Variants in KIN observed in about 807,000 individuals in gnomAD.
KIN encodes the protein DNA/RNA-binding protein KIN17.
Under a neutral mutation model 63.0 loss-of-function variants are expected in KIN, and 47 were observed. The observed-to-expected ratio is 0.75, with a 90% confidence interval of 0.59 to 0.95. The LOEUF is 0.95. Among genes scored for constraint, KIN ranks in the 40% least tolerant of loss-of-function variants. The probability of loss-of-function intolerance (pLI) is 0.00; values close to 1 mark genes in which losing one functional copy is unlikely to be tolerated. For missense variants in KIN, 408 were observed against 460.9 expected (o/e 0.89, Z 1.05); for synonymous variants, 160 against 157.7 (o/e 1.01, Z -0.11).
At chr10:7,762,436 A>G in intron 11 of KIN, 21 bp downstream of exon 11, 2 of 1,407,230 alleles carry the variant, frequency 1.4e-6, no homozygotes, top group Non-Finnish European at 2.0e-6. Flanking sequence ...TATGTATTAA[A>G]TGGTCTGCAA....
intron 5 of KIN, among the ~76,000 whole-genome samples, chr10:7,777,895 TC>T (rs59237901): frequency 0.2 from 17,913 of 90,214 alleles, 2,175 homozygotes; most frequent in African/African-American, 0.38. Flanking sequence ...TGAGACTCCG[TC>T]CCCCCCCCAA....
At chr10:7,763,117 G>C (rs956638686) in intron 10 of KIN, among the ~76,000 whole-genome samples, 1 of 152,070 alleles carries the variant, frequency 6.6e-6, no homozygotes, top group Non-Finnish European at 1.5e-5. Context: ...TTAGCCAGGT[G>C]CGGTGGTGGC....
intron 11 of KIN, 132 bp downstream of exon 11, chr10:7,762,325 A>T: frequency 2.0e-6 from 1 of 510,136 alleles, no homozygotes; most frequent in Non-Finnish European, 3.5e-6. Flanking sequence ...AACAGAGATG[A>T]GTTACGCTGG....
intron 7 of KIN, among the ~76,000 whole-genome samples, chr10:7,773,167 C>A (rs1000354617): frequency 6.6e-6 from 1 of 152,176 alleles, no homozygotes; most frequent in Non-Finnish European, 1.5e-5. Context: ...GATTCTTCCC[C>A]GGAGCTCAGA....
chr10:7,759,462 G>C (rs191695357), intron 12 of KIN, among the ~76,000 whole-genome samples: 1 of 152,082 alleles, frequency 6.6e-6, no homozygotes, highest in Non-Finnish European at 1.5e-5. Flanking sequence ...TCTTGACAAT[G>C]ACTTTACTTC....
chr10:7,787,964 C>T lies in KIN; in HGVS notation c.-31G>A. ...CCACGGCAGCGATCACTTTCTGGAC[C>T]CCAGTACTCAGCCAGCCGGAAACGG... On this transcript the variant is annotated 5_prime_UTR_variant, in exon 1 of 13. Coordinates refer to ENST00000379562, the MANE Select transcript of KIN (RefSeq NM_012311.4). 2 of 1,534,428 alleles carry T rather than the reference C, an allele frequency of 1.3e-6. No homozygotes were observed. The highest frequency in any genetic ancestry group is 1.8e-6 in the Non-Finnish European group (2 of 1,107,452).
intron 8 of KIN, among the ~76,000 whole-genome samples, chr10:7,768,199 A>G (rs1171821435): frequency 2.0e-5 from 3 of 152,162 alleles, no homozygotes; most frequent in Non-Finnish European, 4.4e-5. Context: ...ACATAGACTT[A>G]GCCATCAGGC....
At chr10:7,770,355 A>C (rs1835642942) in intron 7 of KIN, among the ~76,000 whole-genome samples, 1 of 152,240 alleles carries the variant, frequency 6.6e-6, no homozygotes, top group African/African-American at 2.4e-5. Flanking sequence ...TTTGCTATTG[A>C]CTGAGCCATG....
intron 9 of KIN, among the ~76,000 whole-genome samples, chr10:7,765,323 A>G (rs1588474017): frequency 6.6e-6 from 1 of 152,132 alleles, no homozygotes; most frequent in East Asian, 1.9e-4. Context: ...GCAGGGCATT[A>G]GTGGTGCATG....
intron 2 of KIN, among the ~76,000 whole-genome samples, chr10:7,780,543 C>T (rs930787575): frequency 6.6e-6 from 1 of 151,922 alleles, no homozygotes; most frequent in Non-Finnish European, 1.5e-5. Context: ...TACAGGGGTC[C>T]ACCACCACGC....
intron 7 of KIN, among the ~76,000 whole-genome samples, chr10:7,769,572 T>C (rs1835625511): frequency 1.3e-5 from 2 of 152,160 alleles, no homozygotes; most frequent in Non-Finnish European, 2.9e-5. Context: ...TGTGTGAGCA[T>C]TTAACCCATG....
In KIN at chr10:7,769,303, T is replaced by G. The variant is rs749181607; in HGVS notation, c.711A>C (p.Ala237=). ...GGGAAGATTCTTTTCGTTTCACTGA[T>G]GCTGAACTTCCTATCGTCTTCAGTG... ...PSALKTIGSS[A]SVKRKESSQS... is the part of the protein sequence containing the mutation. The change falls in exon 8 of 13, where the codon GCA becomes GCC. Residue 237 remains alanine (A), a synonymous_variant. Coordinates refer to ENST00000379562, the MANE Select transcript of KIN (RefSeq NM_012311.4). 1.2e-6 allele frequency: 2 copies of G among 1,613,922 alleles called. No individual in the cohort carries two copies. The highest frequency in any genetic ancestry group is 4.5e-5 in the East Asian group (2 of 44,882).
At chr10:7,769,180 G>T in intron 8 of KIN, 36 bp downstream of exon 8, 2 of 1,569,068 alleles carry the variant, frequency 1.3e-6, no homozygotes, top group Non-Finnish European at 1.7e-6. Flanking sequence ...TTTTCCTTGG[G>T]TTCTAAGGTG....
At chr10:7,766,193 A>C (rs913620484) in intron 8 of KIN, 90 bp from the exon 9 acceptor site, 10 of 808,166 alleles carry the variant, frequency 1.2e-5, no homozygotes, top group Non-Finnish European at 2.0e-5. Context: ...ACACCATAAA[A>C]CTGTGAAGTC....
chr10:7,776,499 G>A (rs896068976), intron 5 of KIN, among the ~76,000 whole-genome samples: 1 of 151,552 alleles, frequency 6.6e-6, no homozygotes, highest in African/African-American at 2.4e-5. Context: ...CGGAGATCGT[G>A]CCACTTCACT....
rs1434620378 is a variant in KIN at position 7,780,127 on chromosome 10, C to T, written c.305G>A (p.Arg102Gln). 6.8e-6 allele frequency: 11 copies of T among 1,613,756 alleles called. No individual in the cohort carries two copies. Among genetic ancestry groups the T allele is most frequent in the African/African-American group, 1.3e-5 (1 of 74,842 alleles). Reference protein sequence around the residue: ...NIVYNEYISHREHIHMNATQW... With the variant: ...NIVYNEYISHQEHIHMNATQW... ...AGTGGCATTCATGTGGATGTGCTCTCGGTGGCTGATGTATTCGTTGTAGAC... is the reference window on the plus strand; with the variant it reads ...AGTGGCATTCATGTGGATGTGCTCTTGGTGGCTGATGTATTCGTTGTAGAC... The change falls in exon 4 of 13, where the codon CGA (arginine) becomes CAA (glutamine). Residue 102 changes from arginine to glutamine, a missense_variant. Around this residue, in one of 2 missense-constraint regions of KIN, gnomAD observed 110 missense variants for 164.9 expected, o/e 0.67. Transcript: ENST00000379562.
At chr10:7,778,302 ATAT>A (rs1465173388) in intron 5 of KIN, among the ~76,000 whole-genome samples, 1 of 152,226 alleles carries the variant, frequency 6.6e-6, no homozygotes, top group Non-Finnish European at 1.5e-5. Flanking sequence ...AGGTTTGGAA[ATAT>A]TATGCAATTA....
intron 1 of KIN, among the ~76,000 whole-genome samples, chr10:7,787,328 A>G (rs1836040532): frequency 6.6e-6 from 1 of 152,168 alleles, no homozygotes; most frequent in Non-Finnish European, 1.5e-5. Flanking sequence ...TTTAACCACA[A>G]TATTATTCTG....
chr10:7,756,232 C>G (rs1249349214), intron 12 of KIN, 90 bp from the exon 13 acceptor site: 3 of 657,008 alleles, frequency 4.6e-6, no homozygotes, highest in Non-Finnish European at 7.5e-6. Flanking sequence ...ACAAATTTGC[C>G]TTTTCCGCAT....
Sources: gnomAD v4.1 joint callset for allele counts (sites outside exome capture counted in the v4.1 genomes callset) on GRCh38, gnomAD v4.1.1 for gene constraint, gnomAD v4.1.1 regional missense constraint, MANE v1.5 for transcripts, NCBI Gene and HGNC (gene_info 2026-07-23, HGNC 2026-07-21) for gene names.